CDHR2: variants seen among roughly 807,000 people sequenced by gnomAD.
CDHR2 encodes the protein cadherin related family member 2.
A neutral mutation model predicts 138.6 loss-of-function variants in CDHR2; 104 were observed. That is an observed-to-expected ratio of 0.75 (90% CI 0.64 to 0.88). The LOEUF is 0.88. Ranked by LOEUF, CDHR2 falls within the 40% of genes least tolerant of loss-of-function variation. The pLI, the probability that CDHR2 is intolerant of heterozygous loss-of-function variation, is 0.00. For missense variants in CDHR2, 1,624 were observed against 1,727.6 expected (o/e 0.94, Z 1.06); for synonymous variants, 755 against 742.8 (o/e 1.02, Z -0.27).
At chr5:176,584,009 G>A (rs914032134) in intron 17 of CDHR2, among the ~76,000 whole-genome samples, 181 bp from the exon 18 acceptor site, 2 of 152,132 alleles carry the variant, frequency 1.3e-5, no homozygotes, top group Admixed American at 1.3e-4. Context: ...TGAACCCCGG[G>A]TGTGTGACCT....
In CDHR2 at chr5:176,588,420, A is replaced by AGTGTAT. The variant is rs1561880739; in HGVS notation, c.2857-607_2857-606insATGTGT. 2.0e-5 allele frequency among the ~76,000 whole-genome samples: 3 copies of AGTGTAT among 147,070 alleles called. No individual in the cohort carries two copies. In the East Asian group the frequency reaches 6.1e-4, roughly 30 times the overall value. ...GAGTGCATGAGAGAGTGAGGGTGTGAGTGTGTGTGTCAGGATAAGTGTGTG... is the reference window on the plus strand; with the variant it reads ...GAGTGCATGAGAGAGTGAGGGTGTGAGTGTATGTGTGTGTGTCAGGATAAGTGTGTG... On this transcript the variant is annotated intron_variant, in intron 21 of 31. Coordinates refer to ENST00000261944, the MANE Select transcript of CDHR2 (RefSeq NM_017675.6).
At chr5:176,559,948 G>A (rs1387367128) in intron 1 of CDHR2, among the ~76,000 whole-genome samples, 2 of 152,178 alleles carry the variant, frequency 1.3e-5, no homozygotes, top group African/African-American at 4.8e-5. Flanking sequence ...ATAAAGGGTG[G>A]TTGAGGCGTG....
At position 176,584,736 on chromosome 5, in the gene CDHR2, G is replaced by A. The variant is rs2113317068; in HGVS notation, c.2455G>A (p.Ala819Thr). 2 of 1,614,206 alleles carry A rather than the reference G, an allele frequency of 1.2e-6. No individual in the cohort carries two copies. Among genetic ancestry groups the A allele is most frequent in the East Asian group, 2.2e-5 (1 of 44,888 alleles). The change falls in exon 19 of 32, where the codon GCT becomes ACT. Residue 819 changes from alanine (A) to threonine (T), a missense_variant. Ala to Thr is a moderately conservative substitution (Grantham distance 58). This residue lies in a region of CDHR2 where 1,061 missense variants were observed against 1,136.6 expected (regional missense o/e 0.93). Coordinates refer to ENST00000261944, the MANE Select transcript of CDHR2 (RefSeq NM_017675.6). Reference protein sequence around the residue: ...DVASLRGIRVAENGSQHGQVA... With the variant: ...DVASLRGIRVTENGSQHGQVA... Reference sequence around the variant, plus strand: ...AGCCTCACTCCGGGGCATCCGTGTGGCTGAGAATGGCTCACAGCACGGCCA... The same window carrying A: ...AGCCTCACTCCGGGGCATCCGTGTGACTGAGAATGGCTCACAGCACGGCCA...
rs1048464158 is a variant in CDHR2, at chr5:176,581,475, G to C, written c.1951G>C (p.Glu651Gln). 6.2e-7 allele frequency: 1 copy of C among 1,614,212 alleles called. No homozygotes were observed. Among genetic ancestry groups the C allele is most frequent in the Middle Eastern group, 1.6e-4 (1 of 6,062 alleles). Residue 651 changes from glutamate (E) to glutamine (Q), a missense_variant, in exon 17 of 32, where the codon GAG becomes CAG. By Grantham distance (29) the Glu-to-Gln change is conservative. Transcript: ENST00000261944. ...LLRNLGPLDR[E>Q]AIDPALEGRI... ...CAGAAACCTGGGGCCCCTGGACAGAGAGGCCATCGACCCCGCCCTGGAGGG... is the reference window on the plus strand; with the variant it reads ...CAGAAACCTGGGGCCCCTGGACAGACAGGCCATCGACCCCGCCCTGGAGGG...
At chr5:176,588,544 AGT>A (rs942864937) in intron 21 of CDHR2, among the ~76,000 whole-genome samples, 6 of 138,622 alleles carry the variant, frequency 4.3e-5, no homozygotes, top group African/African-American at 1.4e-4. Context: ...AGGGTGAGTG[AGT>A]GTATGTGTGA....
At position 176,585,964 on chromosome 5, in the gene CDHR2, C is replaced by T. The variant is rs1401579265; in HGVS notation, c.2745C>T (p.Leu915=). The T allele has an allele frequency of 6.2e-7, 1 of 1,613,778 alleles. No individual in the cohort carries two copies. The highest frequency in any genetic ancestry group is 2.2e-5 in the East Asian group (1 of 44,892). ...FQAYSNNGSL[L]ITIEDVNDNA... ...GACCTTGTCTCCTAGGAAGCCTCCT[C>T]ATTACCATTGAGGACGTGAATGACA... Residue 915 remains leucine (L), a synonymous_variant, in exon 20 of 32, where the codon CTC becomes CTT. Transcript: ENST00000261944.
intron 20 of CDHR2, 118 bp downstream of exon 20, chr5:176,586,143 A>G (rs1758660639): frequency 1.4e-6 from 1 of 732,698 alleles, no homozygotes; most frequent in African/African-American, 1.8e-5. Context: ...GAAGGCCTCT[A>G]ATCCTGCATC....
chr5:176,557,969 G>A (rs1405904406), intron 1 of CDHR2, among the ~76,000 whole-genome samples: 1 of 152,098 alleles, frequency 6.6e-6, no homozygotes, highest in Non-Finnish European at 1.5e-5. Flanking sequence ...GCCTCCCAAA[G>A]TGCTGGGATT....
rs773380209 is a variant in CDHR2 at position 176,590,574 on chromosome 5, G to A, written c.3426G>A (p.Glu1142=). 1.2e-6 allele frequency: 2 copies of A among 1,614,078 alleles called. No individual in the cohort carries two copies. The highest frequency in any genetic ancestry group is 1.7e-6 in the Non-Finnish European group (2 of 1,180,016). The change falls in exon 28 of 32, where the codon GAG becomes GAA. Residue 1142 remains glutamate (E), a synonymous_variant. Transcript: ENST00000261944. ...QLGLVVLGSQ[E]SQESDLSKQL... The stretch of plus-strand genomic sequence containing the variant: ...TCATCTTTCTCCAGGGCTCCCAGGA[G>A]AGCCAGGAGTCAGACCTGTCGAAAC...
chr5:176,578,747 G>A (rs1174444405), intron 16 of CDHR2, 139 bp downstream of exon 16: 1 of 1,207,032 alleles, frequency 8.3e-7, no homozygotes, highest in Non-Finnish European at 1.1e-6. Flanking sequence ...TTTCCTCCCA[G>A]GAAATGAAGA....
chr5:176,551,123 C>T (rs113984321), intron 1 of CDHR2, among the ~76,000 whole-genome samples: 13,089 of 152,230 alleles, frequency 0.086, 669 homozygotes, highest in East Asian at 0.17. Context: ...ATTCTCCTGC[C>T]TCAGCCTCCT....
upstream of CDHR2, among the ~76,000 whole-genome samples, chr5:176,546,205 G>A (rs928838833): frequency 7.2e-5 from 11 of 152,172 alleles, no homozygotes; most frequent in African/African-American, 2.7e-4. Context: ...GCTGTGGCAG[G>A]AAAGTCAGGG....
In CDHR2 at chr5:176,553,706, C is replaced by T. The variant is rs141983190; in HGVS notation, c.-16+4292C>T. 2.3e-3 allele frequency among the ~76,000 whole-genome samples: 345 copies of T among 152,144 alleles called. 3 individuals are homozygous for T. The highest frequency in any genetic ancestry group is 7.9e-3 in the African/African-American group (327 of 41,474). ...GTACCGCTAATGCCCAGCTCACCTG[C>T]GTCTCCACCGCCAGCCCCGCCACCA... On this transcript the variant is annotated intron_variant, in intron 1 of 31. Coordinates refer to ENST00000261944, the MANE Select transcript of CDHR2 (RefSeq NM_017675.6). The surrounding 1 kb of genome is among the most constrained non-coding windows in gnomAD (Gnocchi z 4.3).
chr5:176,575,363 T>A lies in CDHR2; in HGVS notation c.705T>A (p.Pro235=). 6.2e-7 allele frequency: 1 copy of A among 1,614,226 alleles called. No individual in the cohort carries two copies. Among genetic ancestry groups the A allele is most frequent in the Admixed American group, 1.7e-5 (1 of 60,028 alleles). ...TGTCCATCTCCGTGGTGGACCAGCC[T>A]GACCTTGACCCCCAGTTTGTCAGGG... is the stretch of plus-strand genomic sequence containing the variant. The part of the protein sequence containing the change: ...VFLSISVVDQ[P]DLDPQFVREF... Residue 235 remains proline (P), a synonymous_variant, in exon 9 of 32, where the codon CCT becomes CCA. Transcript: ENST00000261944.
At chr5:176,581,191 T>A in intron 16 of CDHR2, 152 bp from the exon 17 acceptor site, 1 of 990,312 alleles carries the variant, frequency 1.0e-6, no homozygotes, top group East Asian at 2.6e-5. Context: ...GCCTCTTAGA[T>A]GGGAAACTGG....
chr5:176,566,538 C>T (rs1477434528), intron 3 of CDHR2, among the ~76,000 whole-genome samples: 1 of 152,202 alleles, frequency 6.6e-6, no homozygotes, highest in Non-Finnish European at 1.5e-5. Flanking sequence ...CGTGGCCGCC[C>T]AGGAGCCCGG....
At position 176,543,490 on chromosome 5, in the gene CDHR2, C is replaced by G. The variant is rs905975454; in HGVS notation, c.-16+721C>G. 1 of 152,028 alleles carries G rather than the reference C, an allele frequency of 6.6e-6. No individual in the cohort carries two copies. Among genetic ancestry groups the G allele is most frequent in the African/African-American group, 2.4e-5 (1 of 41,416 alleles). 9.4% of individuals were successfully genotyped at this position (152,028 alleles called of 1,614,324 possible). On this transcript the variant is annotated intron_variant, in intron 1 of 31. Transcript: ENST00000510636. The surrounding 1 kb of genome is among the most constrained non-coding windows in gnomAD (Gnocchi z 4.0). Reference sequence around the variant, plus strand: ...CCCGCGCGAATGGAGCTGCCTGGACCGCACCACGCGTGCGGGGCGGAGCCT... The same window carrying G: ...CCCGCGCGAATGGAGCTGCCTGGACGGCACCACGCGTGCGGGGCGGAGCCT...
upstream of CDHR2, among the ~76,000 whole-genome samples, chr5:176,548,864 T>A (rs898315329): frequency 4.6e-5 from 7 of 151,964 alleles, no homozygotes; most frequent in African/African-American, 1.7e-4. Flanking sequence ...GGCTCGAAAG[T>A]GGGTTGTCCA....
In CDHR2 at chr5:176,581,429, G is replaced by A. The variant is rs1176994973; in HGVS notation, c.1905G>A (p.Leu635=). The A allele has an allele frequency of 6.2e-7, 1 of 1,614,130 alleles. No homozygotes were observed. The highest frequency in any genetic ancestry group is 8.5e-7 in the Non-Finnish European group (1 of 1,180,032). ...GCCCCTACAGCCACAACTTCTCCTT[G>A]GACCCTGACACAGGGCTCCTCAGAA... ...LPGPYSHNFS[L]DPDTGLLRNL... is the part of the protein sequence containing the mutation. Residue 635 remains leucine, a synonymous_variant, in exon 17 of 32, where the codon TTG becomes TTA. Coordinates refer to ENST00000261944, the MANE Select transcript of CDHR2 (RefSeq NM_017675.6).
Sources: allele counts gnomAD v4.1 joint callset (sites outside exome capture counted in the v4.1 genomes callset), GRCh38; gene constraint gnomAD v4.1.1; regional missense constraint gnomAD v4.1.1; non-coding constraint Gnocchi (gnomAD v3.1); transcripts MANE v1.5; gene names NCBI Gene and HGNC (gene_info 2026-07-23, HGNC 2026-07-21).